Variants in KHDRBS2 observed in about 807,000 individuals in gnomAD.
KHDRBS2 encodes the protein KH RNA binding domain containing, signal transduction associated 2, also known as KH domain-containing, RNA-binding, signal transduction-associated protein 2.
Under a neutral mutation model 44.3 loss-of-function variants are expected in KHDRBS2, and 26 were observed. That is an observed-to-expected ratio of 0.59 (90% CI 0.43 to 0.81). The LOEUF is 0.81. KHDRBS2 is among the 40% of genes least tolerant of loss of function. The pLI, the probability that KHDRBS2 is intolerant of heterozygous loss-of-function variation, is 0.00. For missense variants in KHDRBS2, 476 were observed against 433.1 expected, an observed-to-expected ratio of 1.10 and a Z score of -0.88; for synonymous variants, 194 against 151.1, an observed-to-expected ratio of 1.28 and a Z score of -2.08.
At chr6:61,774,614 A>T (rs1446797022) in intron 6 of KHDRBS2, among the ~76,000 whole-genome samples, 1 of 152,190 alleles carries the variant, frequency 6.6e-6, no homozygotes, top group Non-Finnish European at 1.5e-5. Flanking sequence ...ATCTCTGAAT[A>T]GACCAATAAC....
the KHDRBS2 span, among the ~76,000 whole-genome samples, chr6:61,642,057 T>C: frequency 6.6e-6 from 1 of 152,176 alleles, no homozygotes; most frequent in African/African-American, 2.4e-5. Context: ...ACTATTAACA[T>C]GTCTACGGAG....
the KHDRBS2 span, among the ~76,000 whole-genome samples, chr6:61,640,437 T>G: frequency 6.6e-6 from 1 of 152,142 alleles, no homozygotes; most frequent in Admixed American, 6.6e-5. Context: ...TAAATTTTCA[T>G]TTCACAGTGT....
intron 3 of KHDRBS2, among the ~76,000 whole-genome samples, chr6:62,045,949 CAA>C (rs11397447): frequency 4.5e-5 from 6 of 133,470 alleles, no homozygotes; most frequent in Non-Finnish European, 4.7e-5. Context: ...GCAAGTGGAA[CAA>C]AAAAAAAAAA....
chr6:62,148,910 C>A lies in KHDRBS2; in HGVS notation c.219+28275G>T, dbSNP rs370775479. ...AATGCATAAGTAACTATTTCTCTAC[C>A]CCCTTCACGTGTGAATGGCTAATCA... On this transcript the variant is annotated intron_variant, in intron 2 of 8. Transcript: ENST00000281156. Among the ~76,000 whole-genome samples, 15 of 152,000 alleles carry A rather than the reference C, an allele frequency of 9.9e-5. No individual in the cohort carries two copies. In the East Asian group the frequency reaches 2.1e-3, roughly 21 times the overall value.
At chr6:61,948,693 T>TA (rs60295279) in intron 4 of KHDRBS2, among the ~76,000 whole-genome samples, 1 of 145,276 alleles carries the variant, frequency 6.9e-6, no homozygotes. Flanking sequence ...TTATTATTAT[T>TA]TTAGAGATGA....
intron 2 of KHDRBS2, among the ~76,000 whole-genome samples, chr6:62,079,126 T>G (rs1400849171): frequency 6.6e-6 from 1 of 152,014 alleles, no homozygotes; most frequent in South Asian, 2.1e-4. Flanking sequence ...GATCCATAAC[T>G]AACTGTCTGC....
At chr6:62,098,234 A>G (rs2127370334) in intron 2 of KHDRBS2, among the ~76,000 whole-genome samples, 1 of 141,118 alleles carries the variant, frequency 7.1e-6, no homozygotes, top group South Asian at 2.3e-4. Flanking sequence ...TGAGTTTTAT[A>G]GCTTCAAACG....
At chr6:61,965,759 C>T (rs114287166) in intron 4 of KHDRBS2, among the ~76,000 whole-genome samples, 1,528 of 151,972 alleles carry the variant, frequency 0.01, 27 homozygotes, top group African/African-American at 0.035. Flanking sequence ...TAAGTTAAGG[C>T]ATTTTCTTGC....
chr6:62,248,028 TA>T (rs1201826276), intron 1 of KHDRBS2, among the ~76,000 whole-genome samples: 1 of 152,136 alleles, frequency 6.6e-6, no homozygotes, highest in Middle Eastern at 3.2e-3. Context: ...TATTTTTAGA[TA>T]AGTTTGCTAA....
At chr6:61,815,363 T>C (rs568079418) in intron 6 of KHDRBS2, among the ~76,000 whole-genome samples, 6 of 152,290 alleles carry the variant, frequency 3.9e-5, no homozygotes, top group African/African-American at 1.4e-4. Flanking sequence ...CAGACCATGG[T>C]TGACAGCAGG....
chr6:61,729,956 A>G (rs1424572899), intron 7 of KHDRBS2, among the ~76,000 whole-genome samples: 1 of 152,196 alleles, frequency 6.6e-6, no homozygotes, highest in Non-Finnish European at 1.5e-5. Context: ...TTGATAAAAT[A>G]CAATTGATTA....
the KHDRBS2 span, among the ~76,000 whole-genome samples, chr6:61,568,362 T>C: frequency 6.6e-6 from 1 of 152,142 alleles, no homozygotes; most frequent in Non-Finnish European, 1.5e-5. Flanking sequence ...GATGTTTTTT[T>C]CTAACTATGA....
chr6:61,630,958 T>C, the KHDRBS2 span, among the ~76,000 whole-genome samples: 17 of 152,286 alleles, frequency 1.1e-4, no homozygotes, highest in South Asian at 8.3e-4. Context: ...TGGAAACAAA[T>C]TGCTTTGTCT....
At chr6:61,642,746 T>C in the KHDRBS2 span, among the ~76,000 whole-genome samples, 365 of 152,290 alleles carry the variant, frequency 2.4e-3, 3 homozygotes, top group Admixed American at 0.023. Context: ...TGAGCCTATG[T>C]GCCTACATAA....
At chr6:62,250,511 GAA>G (rs1836335861) in intron 1 of KHDRBS2, among the ~76,000 whole-genome samples, 2 of 152,130 alleles carry the variant, frequency 1.3e-5, no homozygotes, top group African/African-American at 4.8e-5. Flanking sequence ...AGGAAGTAAA[GAA>G]GGAAGGAAGA....
intron 7 of KHDRBS2, among the ~76,000 whole-genome samples, chr6:61,725,470 C>A (rs1459132288): frequency 6.6e-6 from 1 of 151,898 alleles, no homozygotes; most frequent in Non-Finnish European, 1.5e-5. Context: ...GAGATAGAGA[C>A]ATGAAAATCC....
intron 7 of KHDRBS2, among the ~76,000 whole-genome samples, chr6:61,719,513 C>T (rs1392796893): frequency 6.6e-6 from 1 of 151,886 alleles, no homozygotes; most frequent in Non-Finnish European, 1.5e-5. Flanking sequence ...ATGTTTGGTC[C>T]AATTAAAGGT....
rs1397158155 is a variant in KHDRBS2, at chr6:61,848,509, ATGTATATATG to A, written c.810+46116_810+46125del. On this transcript the variant is annotated intron_variant, in intron 6 of 8. Coordinates refer to ENST00000281156, the MANE Select transcript of KHDRBS2 (RefSeq NM_152688.4). ...TATATATGTATATATATATATATAT[ATGTATATATG>A]TATATATATATACATATATATGTAT... is the stretch of plus-strand genomic sequence containing the variant. Among the ~76,000 whole-genome samples the A allele has an allele frequency of 3.5e-3, 178 of 50,644 alleles. 1 individual carries two copies. Among genetic ancestry groups the A allele is most frequent in the African/African-American group, 7.3e-3 (75 of 10,250 alleles). 33.2% of individuals were successfully genotyped at this position (50,644 alleles called of 152,430 possible). A position where few individuals can be genotyped will look rare whatever the true frequency, so the allele number is the denominator to read the frequency against.
the KHDRBS2 span, among the ~76,000 whole-genome samples, chr6:61,614,879 A>T: frequency 6.6e-6 from 1 of 152,100 alleles, no homozygotes; most frequent in Non-Finnish European, 1.5e-5. Flanking sequence ...CAGTTTTTTG[A>T]TCTTCAAATA....
Sources: gnomAD v4.1 joint callset for allele counts (sites outside exome capture counted in the v4.1 genomes callset) on GRCh38, gnomAD v4.1.1 for gene constraint, MANE v1.5 for transcripts, NCBI Gene and HGNC (gene_info 2026-07-23, HGNC 2026-07-21) for gene names.